SNX8: variants seen among roughly 807,000 people sequenced by gnomAD.
SNX8 encodes the protein sorting nexin-8.
Under a neutral mutation model 51.6 loss-of-function variants are expected in SNX8, and 25 were observed. The observed-to-expected ratio is 0.48, with a 90% CI of 0.35 to 0.68. The LOEUF (loss-of-function observed/expected upper bound fraction) is 0.68. SNX8 is among the 30% of genes least tolerant of loss of function. The probability of loss-of-function intolerance (pLI) is 0.00; values close to 1 mark genes in which losing one functional copy is unlikely to be tolerated. For missense variants in SNX8, 695 were observed against 624.0 expected, an observed-to-expected ratio of 1.11 and a Z score of -1.21; for synonymous variants, 324 against 277.0, an observed-to-expected ratio of 1.17 and a Z score of -1.68.
intron 1 of SNX8, among the ~76,000 whole-genome samples, chr7:2,286,073 G>A (rs553922651): frequency 1.0e-3 from 150 of 150,420 alleles, no homozygotes; most frequent in Non-Finnish European, 1.6e-3. Context: ...ATGCTGTGGC[G>A]CTATCTCGGC....
intron 7 of SNX8, among the ~76,000 whole-genome samples, chr7:2,262,093 A>G (rs1397472652): frequency 6.6e-6 from 1 of 152,230 alleles, no homozygotes; most frequent in Non-Finnish European, 1.5e-5. Flanking sequence ...GCTGGTGTGC[A>G]GTGGCACCAT....
intron 1 of SNX8, among the ~76,000 whole-genome samples, chr7:2,290,254 A>G (rs1329534788): frequency 6.6e-6 from 1 of 152,150 alleles, no homozygotes; most frequent in East Asian, 1.9e-4. Flanking sequence ...TAATCCCAGC[A>G]CTTTTGGAGG....
intron 1 of SNX8, among the ~76,000 whole-genome samples, chr7:2,293,441 G>C (rs145092804): frequency 1.1e-3 from 172 of 151,882 alleles, no homozygotes; most frequent in African/African-American, 3.9e-3. Context: ...GGATCATGAG[G>C]TCAGGAGATC....
intron 1 of SNX8, among the ~76,000 whole-genome samples, chr7:2,328,353 G>A (rs541610680): frequency 6.6e-6 from 1 of 151,344 alleles, no homozygotes; most frequent in East Asian, 2.0e-4. Context: ...CACCATGCCT[G>A]GCCTGTTTTT....
In SNX8 at chr7:2,271,969, C is replaced by G; in HGVS notation, c.421G>C (p.Asp141His). The G allele has an allele frequency of 6.2e-7, 1 of 1,613,998 alleles. No individual in the cohort carries two copies. The highest frequency in any genetic ancestry group is 2.2e-5 in the East Asian group (1 of 44,886). ...ALPPKRMLGA[D>H]REFIEARRRA... is the part of the protein sequence containing the mutation. ...CTCCTGGCCTCGATGAACTCCCTGT[C>G]AGCTGGAGGAGCACACGGGGTCACT... The change falls in exon 4 of 11, where the codon GAC becomes CAC. Residue 141 changes from aspartate (D) to histidine (H), a missense_variant and splice_region_variant. Coordinates refer to ENST00000222990, the MANE Select transcript of SNX8 (RefSeq NM_013321.4).
At chr7:2,265,830 G>A (rs1795449994) in intron 5 of SNX8, among the ~76,000 whole-genome samples, 1 of 151,960 alleles carries the variant, frequency 6.6e-6, no homozygotes, top group South Asian at 2.1e-4. Flanking sequence ...TAAAAGATTT[G>A]GCCAGGCATG....
chr7:2,346,522 A>C (rs578113067), intron 1 of SNX8, among the ~76,000 whole-genome samples: 118 of 151,486 alleles, frequency 7.8e-4, no homozygotes, highest in African/African-American at 2.4e-3. Flanking sequence ...CCGAGGTGGG[A>C]GGATCACGAG....
chr7:2,306,693 A>G (rs1452445170), intron 1 of SNX8, among the ~76,000 whole-genome samples: 1 of 152,220 alleles, frequency 6.6e-6, no homozygotes, highest in African/African-American at 2.4e-5. Context: ...AAAAGGAAAT[A>G]TATTAAAATG....
At chr7:2,354,230 A>G (rs1350860741) in exon 1 of SNX8, 4 of 152,306 alleles carry the variant, frequency 2.6e-5, no homozygotes, top group African/African-American at 4.8e-5. Context: ...ACATTTTTGT[A>G]TCGCGCCAGG....
chr7:2,279,762 GAAAAAAA>G (rs796698660), intron 1 of SNX8, among the ~76,000 whole-genome samples: 3,818 of 95,060 alleles, frequency 0.04, 169 homozygotes, highest in African/African-American at 0.14. Context: ...CAAAAAAAAA[GAAAAAAA>G]AAAAAAAAAA....
chr7:2,280,093 C>T (rs1272705746), intron 1 of SNX8, among the ~76,000 whole-genome samples: 1 of 152,116 alleles, frequency 6.6e-6, no homozygotes, highest in African/African-American at 2.4e-5. Flanking sequence ...AAACTCCAGG[C>T]CTGCTTATAG....
intron 7 of SNX8, among the ~76,000 whole-genome samples, chr7:2,260,836 A>G (rs540340194): frequency 6.6e-6 from 1 of 152,324 alleles, no homozygotes; most frequent in East Asian, 1.9e-4. Context: ...GAGATGTCCA[A>G]GAGTCACAGA....
chr7:2,314,561 C>G (rs375114251), upstream of SNX8: 26 of 875,476 alleles, frequency 3.0e-5, no homozygotes, highest in South Asian at 3.1e-4. Flanking sequence ...CCCCTGCGGG[C>G]CCGCCGCGCT....
chr7:2,336,965 C>T (rs1418163620), intron 1 of SNX8, among the ~76,000 whole-genome samples: 3 of 151,136 alleles, frequency 2.0e-5, no homozygotes, highest in South Asian at 4.2e-4. Context: ...GCCGAGACTG[C>T]GTTACTACAC....
chr7:2,352,241 A>G (rs1214575325), intron 1 of SNX8, among the ~76,000 whole-genome samples: 5 of 151,956 alleles, frequency 3.3e-5, no homozygotes, highest in Non-Finnish European at 1.5e-5. Context: ...AAGGACATCA[A>G]TCACTGATTT....
intron 1 of SNX8, among the ~76,000 whole-genome samples, chr7:2,281,171 TC>T (rs1208735847): frequency 2.0e-5 from 3 of 151,896 alleles, no homozygotes; most frequent in Non-Finnish European, 4.4e-5. Flanking sequence ...GCACCTACAA[TC>T]CCAGCACTTT....
At chr7:2,282,918 G>A (rs550651709) in intron 1 of SNX8, among the ~76,000 whole-genome samples, 5 of 152,138 alleles carry the variant, frequency 3.3e-5, no homozygotes, top group African/African-American at 4.8e-5. Context: ...TCAGGAGATC[G>A]AGACCATCCT....
Position 2,254,767 on chromosome 7 carries a change from T to C in SNX8, c.*289A>G, listed in dbSNP as rs1224420256. 2.1e-6 allele frequency: 1 copy of C among 470,992 alleles called. No individual in the cohort carries two copies. The highest frequency in any genetic ancestry group is 4.1e-5 in the East Asian group (1 of 24,416). The allele number at this position is 470,992 out of a possible 1,614,324, so 29.2% of individuals were successfully genotyped here. ...GGCACAATCTCTGTGAGATGAGAGA[T>C]CCCTGCCTCCCCGCACAGCTCTGGG... On this transcript the variant is annotated 3_prime_UTR_variant, in exon 11 of 11. Coordinates refer to ENST00000222990, the MANE Select transcript of SNX8 (RefSeq NM_013321.4).
At chr7:2,285,211 CA>C (rs58401507) in intron 1 of SNX8, among the ~76,000 whole-genome samples, 952 of 70,960 alleles carry the variant, frequency 0.013, 20 homozygotes, top group East Asian at 0.093. Context: ...GACTCCGTCT[CA>C]AAAAAAAAAA....
Sources: gnomAD v4.1 joint callset for allele counts (sites outside exome capture counted in the v4.1 genomes callset) on GRCh38, gnomAD v4.1.1 for gene constraint, MANE v1.5 for transcripts, NCBI Gene and HGNC (gene_info 2026-07-23, HGNC 2026-07-21) for gene names.